WWC1: variants seen among roughly 807,000 people sequenced by gnomAD.
The protein encoded by WWC1 is WW and C2 domain containing 1.
WWC1 carries 55 observed loss-of-function variants against 138.4 expected under a neutral mutation model. The observed-to-expected ratio is 0.40, with a 90% CI of 0.32 to 0.50. WWC1 has a LOEUF of 0.50. WWC1 is among the 20% of genes least tolerant of loss of function. WWC1 has a pLI of 0.72. For synonymous variants in WWC1, 524 were observed against 564.9 expected, an observed-to-expected ratio of 0.93 and a Z score of 1.03; for missense variants, 1,226 against 1,420.4, an observed-to-expected ratio of 0.86 and a Z score of 2.20.
intron 15 of WWC1, among the ~76,000 whole-genome samples, chr5:168,435,442 G>A (rs1018987344): frequency 2.0e-5 from 3 of 152,182 alleles, no homozygotes; most frequent in African/African-American, 7.2e-5. Flanking sequence ...AGAGGATCTT[G>A]CTTTGTTGCC....
chr5:168,366,664 G>A (rs922706450), intron 1 of WWC1, among the ~76,000 whole-genome samples: 2 of 152,136 alleles, frequency 1.3e-5, no homozygotes, highest in African/African-American at 4.8e-5. Context: ...CAACGTGTAA[G>A]GCTGGAACAA....
intron 15 of WWC1, among the ~76,000 whole-genome samples, chr5:168,440,407 T>TC (rs1473715378): frequency 6.6e-6 from 1 of 152,186 alleles, no homozygotes; most frequent in Non-Finnish European, 1.5e-5. Context: ...GTGTAGTAGT[T>TC]CCACTAAAAA....
At chr5:168,355,494 CAAAAAAAAAAA>C (rs564674062) in intron 1 of WWC1, among the ~76,000 whole-genome samples, 1 of 66,528 alleles carries the variant, frequency 1.5e-5, no homozygotes, top group Non-Finnish European at 2.7e-5. Context: ...GACTCCGTCT[CAAAAAAAAAAA>C]AAAAAAAAAA....
intron 1 of WWC1, among the ~76,000 whole-genome samples, chr5:168,350,503 TTGGCG>T (rs1311728864): frequency 1.3e-5 from 2 of 152,304 alleles, no homozygotes; most frequent in East Asian, 3.9e-4. Flanking sequence ...AGGAGGCTAT[TTGGCG>T]TGGGTCACGA....
intron 5 of WWC1, among the ~76,000 whole-genome samples, chr5:168,402,260 G>C (rs976527758): frequency 2.0e-5 from 3 of 152,228 alleles, no homozygotes; most frequent in African/African-American, 7.2e-5. Context: ...GTCCAGTGTG[G>C]AGGAAGATGC....
chr5:168,365,542 A>G (rs899777367), intron 1 of WWC1, among the ~76,000 whole-genome samples: 3 of 152,158 alleles, frequency 2.0e-5, no homozygotes, highest in Non-Finnish European at 4.4e-5. Context: ...GAAAAGGCAC[A>G]TTGTCAGAAT....
intron 21 of WWC1, 151 bp from the exon 22 acceptor site, chr5:168,467,689 C>G (rs1380248017): frequency 5.3e-6 from 6 of 1,138,158 alleles, no homozygotes; most frequent in South Asian, 1.7e-5. Context: ...TTGAGCACTT[C>G]CCATTATCGT....
chr5:168,343,087 C>T (rs1774179765), intron 1 of WWC1, among the ~76,000 whole-genome samples: 3 of 152,036 alleles, frequency 2.0e-5, no homozygotes, highest in Admixed American at 2.0e-4. Context: ...TATGCATTTT[C>T]ATTGCGCAGA....
intron 3 of WWC1, among the ~76,000 whole-genome samples, chr5:168,393,773 G>C (rs1177159208): frequency 1.3e-5 from 2 of 152,196 alleles, no homozygotes; most frequent in African/African-American, 4.8e-5. Flanking sequence ...AAGCAGGGCA[G>C]AAGCCCTGGC....
chr5:168,316,115 C>T (rs564223304), intron 1 of WWC1, among the ~76,000 whole-genome samples: 1 of 152,328 alleles, frequency 6.6e-6, no homozygotes, highest in East Asian at 1.9e-4. Flanking sequence ...GACCATGAAA[C>T]TCCCAAGAGT....
In WWC1 at chr5:168,435,929, G is replaced by A. The variant is rs563015039; in HGVS notation, c.2280+4485G>A. 5.3e-5 allele frequency among the ~76,000 whole-genome samples: 8 copies of A among 151,620 alleles called. No individual in the cohort carries two copies. The East Asian group carries it at 5.9e-4, about 11-fold the overall frequency. ...GTGATCTTGGCTCACTGCAACCTCCGCTTCCCGGGTCCAAACCATTCTCCT... is the reference window on the plus strand; with the variant it reads ...GTGATCTTGGCTCACTGCAACCTCCACTTCCCGGGTCCAAACCATTCTCCT... On this transcript the variant is annotated intron_variant, in intron 15 of 22. Coordinates refer to ENST00000265293, the MANE Select transcript of WWC1 (RefSeq NM_015238.3).
In WWC1 at chr5:168,334,556, C is replaced by G. The variant is rs193265720; in HGVS notation, c.120-36868C>G. On this transcript the variant is annotated intron_variant, in intron 1 of 22. Transcript: ENST00000265293. ...GTAAGATCAGACCCTCCCCCCTCCACCCCCATTTACAGTCTCATGCTCCTG... is the reference window on the plus strand; with the variant it reads ...GTAAGATCAGACCCTCCCCCCTCCAGCCCCATTTACAGTCTCATGCTCCTG... 1.9e-3 allele frequency among the ~76,000 whole-genome samples: 295 copies of G among 152,148 alleles called. 2 individuals are homozygous for G. The highest frequency in any genetic ancestry group is 6.8e-3 in the African/African-American group (282 of 41,518).
intron 1 of WWC1, among the ~76,000 whole-genome samples, chr5:168,336,867 C>T (rs1773517811): frequency 6.6e-6 from 1 of 152,156 alleles, no homozygotes; most frequent in Non-Finnish European, 1.5e-5. Context: ...CCTACCCTGT[C>T]TGTGCTTTAG....
intron 2 of WWC1, among the ~76,000 whole-genome samples, chr5:168,380,163 C>G (rs1006514121): frequency 6.6e-6 from 1 of 152,136 alleles, no homozygotes; most frequent in South Asian, 2.1e-4. Flanking sequence ...CAGTAAGAAG[C>G]AGCTGGCACA....
chr5:168,448,615 G>GTTTT (rs1755500909), intron 17 of WWC1, among the ~76,000 whole-genome samples: 3 of 116,918 alleles, frequency 2.6e-5, no homozygotes, highest in Non-Finnish European at 5.1e-5. Context: ...TCTCAAATAA[G>GTTTT]ATTTTTTTTT....
At chr5:168,426,451 G>C (rs1781505966) in intron 11 of WWC1, among the ~76,000 whole-genome samples, 1 of 152,120 alleles carries the variant, frequency 6.6e-6, no homozygotes, top group African/African-American at 2.4e-5. Flanking sequence ...AGCACATTAG[G>C]CTGGGCACAC....
intron 17 of WWC1, among the ~76,000 whole-genome samples, chr5:168,451,113 G>A (rs1312494479): frequency 6.6e-6 from 1 of 151,784 alleles, no homozygotes; most frequent in Non-Finnish European, 1.5e-5. Flanking sequence ...CCACCTCCCG[G>A]ATTCAAGCGA....
At chr5:168,405,261 G>T (rs1458929710) in intron 5 of WWC1, among the ~76,000 whole-genome samples, 1 of 152,192 alleles carries the variant, frequency 6.6e-6, no homozygotes, top group Non-Finnish European at 1.5e-5. Context: ...TGACCAGCAT[G>T]ATTTTGCTCC....
chr5:168,385,348 C>T lies in WWC1; in HGVS notation c.367C>T (p.Leu123Phe). ...CCAGGTGAAGCAGCAGCGCCTGGAGCTTGCACAGCAGGAGTACCAGCAACT... is the reference window on the plus strand; with the variant it reads ...CCAGGTGAAGCAGCAGCGCCTGGAGTTTGCACAGCAGGAGTACCAGCAACT... ...IYQVKQQRLE[L>F]AQQEYQQLHA... The change falls in exon 3 of 23, where the codon CTT (leucine) becomes TTT (phenylalanine). Residue 123 changes from leucine (L) to phenylalanine (F), a missense_variant. Around this residue, in one of 3 missense-constraint regions of WWC1, gnomAD observed 1,016 missense variants for 1,153.9 expected, o/e 0.88. Coordinates refer to ENST00000265293, the MANE Select transcript of WWC1 (RefSeq NM_015238.3). The T allele has an allele frequency of 1.2e-6, 2 of 1,614,142 alleles. No individual in the cohort carries two copies. The highest frequency in any genetic ancestry group is 1.7e-6 in the Non-Finnish European group (2 of 1,180,028).
Sources: gnomAD v4.1 joint callset for allele counts (sites outside exome capture counted in the v4.1 genomes callset) on GRCh38, gnomAD v4.1.1 for gene constraint, gnomAD v4.1.1 regional missense constraint, MANE v1.5 for transcripts, NCBI Gene and HGNC (gene_info 2026-07-23, HGNC 2026-07-21) for gene names.